Variants in JMJD1C observed in about 807,000 individuals in gnomAD.
The protein encoded by JMJD1C is jumonji domain-containing protein 1C.
A neutral mutation model predicts 245.3 loss-of-function variants in JMJD1C; 31 were observed. That is an observed-to-expected ratio of 0.13 (90% CI 0.09 to 0.17). The LOEUF (loss-of-function observed/expected upper bound fraction) is 0.17, where lower values mean the gene tolerates loss of function less well. JMJD1C is among the 10% of genes least tolerant of loss of function. The probability of loss-of-function intolerance (pLI) is 1.00; values close to 1 mark genes in which losing one functional copy is unlikely to be tolerated. For synonymous variants in JMJD1C, 1,057 were observed against 1,017.4 expected (o/e 1.04, Z -0.74); for missense variants, 2,691 against 3,000.2 (o/e 0.90, Z 2.41).
At chr10:63,196,669 T>C (rs560851458) in intron 13 of JMJD1C, among the ~76,000 whole-genome samples, 4 of 152,378 alleles carry the variant, frequency 2.6e-5, no homozygotes, top group South Asian at 4.1e-4. Flanking sequence ...TAAGTACTTC[T>C]AATGTTTCCA....
At chr10:63,521,621 G>A (rs1480576013) in intron 1 of JMJD1C, 1 of 1,354,862 alleles carries the variant, frequency 7.4e-7, no homozygotes, top group African/African-American at 1.5e-5. Context: ...CGAGGCCCAG[G>A]GGAGCTGTGG....
chr10:63,431,952 C>A (rs1037071067), intron 1 of JMJD1C, among the ~76,000 whole-genome samples: 1 of 152,090 alleles, frequency 6.6e-6, no homozygotes, highest in East Asian at 1.9e-4. Flanking sequence ...ACAGGGGTTG[C>A]GGTGAGCCAA....
At chr10:63,360,705 T>A (rs1325265724) in intron 2 of JMJD1C, among the ~76,000 whole-genome samples, 1 of 152,180 alleles carries the variant, frequency 6.6e-6, no homozygotes, top group Non-Finnish European at 1.5e-5. Context: ...TATAAAAAAA[T>A]TACTGTTAAT....
chr10:63,460,691 A>G (rs1312110973), intron 1 of JMJD1C, among the ~76,000 whole-genome samples: 1 of 152,216 alleles, frequency 6.6e-6, no homozygotes, highest in Non-Finnish European at 1.5e-5. Context: ...ACTTAAAGAC[A>G]TTTCTTGTAT....
chr10:63,223,421 T>C (rs996469303), intron 3 of JMJD1C, among the ~76,000 whole-genome samples: 4 of 151,728 alleles, frequency 2.6e-5, no homozygotes, highest in Non-Finnish European at 1.5e-5. Flanking sequence ...AGAGACGGGG[T>C]TTCACCATGT....
At chr10:63,273,913 G>A (rs1171307188) in intron 2 of JMJD1C, among the ~76,000 whole-genome samples, 1 of 152,130 alleles carries the variant, frequency 6.6e-6, no homozygotes, top group Non-Finnish European at 1.5e-5. Flanking sequence ...AATTTTAGGA[G>A]TTAAAATAAA....
intron 2 of JMJD1C, among the ~76,000 whole-genome samples, chr10:63,330,838 G>A (rs1942065165): frequency 6.6e-6 from 1 of 152,050 alleles, no homozygotes; most frequent in African/African-American, 2.4e-5. Context: ...AAAATGCCCA[G>A]AATAACACAG....
intron 3 of JMJD1C, among the ~76,000 whole-genome samples, chr10:63,253,386 C>T (rs969817537): frequency 4.0e-5 from 6 of 150,354 alleles, no homozygotes; most frequent in Admixed American, 2.0e-4. Context: ...TTATATTACA[C>T]CTTTTTTTTT....
At chr10:63,315,670 T>C (rs1312547370) in intron 2 of JMJD1C, among the ~76,000 whole-genome samples, 1 of 151,712 alleles carries the variant, frequency 6.6e-6, no homozygotes, top group Non-Finnish European at 1.5e-5. Context: ...TGAAACCCTG[T>C]CTCTACTAAA....
chr10:63,357,777 AAC>A (rs754654957), intron 2 of JMJD1C, among the ~76,000 whole-genome samples: 3 of 151,316 alleles, frequency 2.0e-5, no homozygotes, highest in Admixed American at 6.6e-5. Flanking sequence ...ATTATCTCCC[AAC>A]ACAGATAGGA....
chr10:63,176,220 A>T, intron 24 of JMJD1C, 77 bp downstream of exon 24: 1 of 1,055,476 alleles, frequency 9.5e-7, no homozygotes, highest in Non-Finnish European at 1.3e-6. Context: ...ATTTATATCT[A>T]TACTAAGAGC....
intron 1 of JMJD1C, among the ~76,000 whole-genome samples, chr10:63,517,321 G>C (rs1955051197): frequency 6.6e-6 from 1 of 152,008 alleles, no homozygotes; most frequent in Admixed American, 6.5e-5. Context: ...ATATCTCCTA[G>C]GAAAACTAAT....
At chr10:63,459,550 C>T (rs1196157827) in intron 1 of JMJD1C, among the ~76,000 whole-genome samples, 2 of 152,164 alleles carry the variant, frequency 1.3e-5, no homozygotes, top group African/African-American at 4.8e-5. Flanking sequence ...ATACTTCATA[C>T]ACATTAAAAC....
At position 63,311,450 on chromosome 10, in the gene JMJD1C, C is replaced by T. The variant is rs543894548; in HGVS notation, c.334-46686G>A. ...AAAATATACTCTGTACTAATCCTCA[C>T]GTGTCCATCATGGAGAAAAGTAAAA... On this transcript the variant is annotated intron_variant, in intron 2 of 25. Coordinates refer to ENST00000399262, the MANE Select transcript of JMJD1C (RefSeq NM_032776.3). Among the ~76,000 whole-genome samples the T allele has an allele frequency of 3.9e-5, 6 of 152,134 alleles. No individual in the cohort carries two copies. In the East Asian group the frequency reaches 5.8e-4, roughly 15 times the overall value.
intron 15 of JMJD1C, 81 bp downstream of exon 15, chr10:63,193,264 C>T (rs1112592): frequency 6.7e-7 from 1 of 1,498,730 alleles, no homozygotes; most frequent in Non-Finnish European, 9.1e-7. Flanking sequence ...TACATAAGTC[C>T]TAAACCAAAT....
At chr10:63,474,560 C>A (rs1311332543) in intron 1 of JMJD1C, among the ~76,000 whole-genome samples, 1 of 152,016 alleles carries the variant, frequency 6.6e-6, no homozygotes, top group African/African-American at 2.4e-5. Flanking sequence ...AAGCAATCCT[C>A]CTGCCTCAGC....
intron 2 of JMJD1C, among the ~76,000 whole-genome samples, chr10:63,268,057 A>C (rs1855828984): frequency 6.6e-6 from 1 of 151,974 alleles, no homozygotes; most frequent in Non-Finnish European, 1.5e-5. Flanking sequence ...AAATTCAAGG[A>C]GCTTATGTCT....
At chr10:63,347,376 G>A (rs1192259868) in intron 2 of JMJD1C, among the ~76,000 whole-genome samples, 1 of 151,530 alleles carries the variant, frequency 6.6e-6, no homozygotes, top group Non-Finnish European at 1.5e-5. Flanking sequence ...GAGGTCAGGA[G>A]TTCCAGACCA....
intron 2 of JMJD1C, among the ~76,000 whole-genome samples, chr10:63,353,144 C>T (rs1389911682): frequency 6.6e-6 from 1 of 152,096 alleles, no homozygotes; most frequent in Non-Finnish European, 1.5e-5. Context: ...GTAGACAGCC[C>T]TTTCATGAAG....
Sources: allele counts gnomAD v4.1 joint callset (sites outside exome capture counted in the v4.1 genomes callset), GRCh38; gene constraint gnomAD v4.1.1; transcripts MANE v1.5; gene names NCBI Gene and HGNC (gene_info 2026-07-23, HGNC 2026-07-21).